The following NCOA2 variants were observed in gnomAD, a reference collection of about 807,000 sequenced individuals.
NCOA2 encodes class E basic helix-loop-helix protein 75.
A neutral mutation model predicts 145.1 loss-of-function variants in NCOA2; 21 were observed. That is an observed-to-expected ratio of 0.14 (90% CI 0.10 to 0.21). NCOA2 has a LOEUF of 0.21. NCOA2 is among the 10% of genes least tolerant of loss of function. The pLI is 1.00. For synonymous variants in NCOA2, 619 were observed against 637.5 expected (o/e 0.97, Z 0.44); for missense variants, 1,472 against 1,837.6 (o/e 0.80, Z 3.64).
chr8:70,454,598 T>C, the NCOA2 span, among the ~76,000 whole-genome samples: 11 of 152,176 alleles, frequency 7.2e-5, no homozygotes. Flanking sequence ...TTTAAACACC[T>C]TTTTTCATTT....
intron 16 of NCOA2, among the ~76,000 whole-genome samples, 158 bp downstream of exon 16, chr8:70,131,679 G>A (rs928646302): frequency 2.0e-5 from 3 of 152,168 alleles, no homozygotes; most frequent in Non-Finnish European, 2.9e-5. Flanking sequence ...GGGTTACAAG[G>A]AAAGGGGAGG....
chr8:70,239,200 C>G (rs760160680), intron 2 of NCOA2, among the ~76,000 whole-genome samples: 4 of 152,084 alleles, frequency 2.6e-5, no homozygotes, highest in Admixed American at 1.3e-4. Context: ...GATGGGAGAT[C>G]AAACCGGGTA....
chr8:70,376,596 T>A (rs767862800), intron 1 of NCOA2, among the ~76,000 whole-genome samples: 1 of 151,998 alleles, frequency 6.6e-6, no homozygotes, highest in Admixed American at 6.5e-5. Context: ...AGATTTAACA[T>A]CTTAGAATTC....
At chr8:70,153,555 T>C (rs931662649) in intron 11 of NCOA2, among the ~76,000 whole-genome samples, 2 of 152,122 alleles carry the variant, frequency 1.3e-5, no homozygotes, top group African/African-American at 4.8e-5. Flanking sequence ...ATAAATCGTT[T>C]ACACAGGGAA....
At chr8:70,285,639 C>T (rs377129602) in intron 2 of NCOA2, among the ~76,000 whole-genome samples, 2 of 152,192 alleles carry the variant, frequency 1.3e-5, no homozygotes, top group African/African-American at 4.8e-5. Context: ...ATCCCATTCA[C>T]GTAACTTAAT....
At chr8:70,432,949 T>C in the NCOA2 span, among the ~76,000 whole-genome samples, 2 of 152,178 alleles carry the variant, frequency 1.3e-5, no homozygotes, top group African/African-American at 4.8e-5. Flanking sequence ...TGTTTATATA[T>C]TGATTACAGG....
chr8:70,316,890 A>C (rs1263291335), intron 1 of NCOA2, among the ~76,000 whole-genome samples: 1 of 152,180 alleles, frequency 6.6e-6, no homozygotes, highest in Non-Finnish European at 1.5e-5. Flanking sequence ...CCCGAGACCC[A>C]TGGGGAATGC....
chr8:70,113,594 A>G lies in NCOA2; in HGVS notation c.*38T>C, dbSNP rs1312531458. On this transcript the variant is annotated 3_prime_UTR_variant, in exon 23 of 23. Transcript: ENST00000452400. ...AGACTGGAAGTGTTTTGAGCAAGTG[A>G]GCCCGGTCAGCTGAAGAAGCAACTG... 6.4e-7 allele frequency: 1 copy of G among 1,550,832 alleles called. No individual in the cohort carries two copies.
At chr8:70,420,123 A>T in the NCOA2 span, among the ~76,000 whole-genome samples, 1 of 152,300 alleles carries the variant, frequency 6.6e-6, no homozygotes, top group South Asian at 2.1e-4. Context: ...TAATGAATGG[A>T]TAGTAAATAA....
intron 4 of NCOA2, among the ~76,000 whole-genome samples, chr8:70,209,498 C>A (rs1818796735): frequency 6.6e-6 from 1 of 152,152 alleles, no homozygotes; most frequent in Non-Finnish European, 1.5e-5. Flanking sequence ...ACAGAGAAAT[C>A]TTTCATGAAA....
intron 1 of NCOA2, among the ~76,000 whole-genome samples, chr8:70,380,099 A>C (rs1287140578): frequency 1.3e-5 from 2 of 152,224 alleles, no homozygotes; most frequent in Non-Finnish European, 2.9e-5. Context: ...AACAAGTGTC[A>C]AGCAGGTTCT....
Position 70,300,107 on chromosome 8 carries a change from T to A in NCOA2, c.-76-3307A>T, listed in dbSNP as rs141777251. Among the ~76,000 whole-genome samples, 93 of 152,288 alleles carry A rather than the reference T, an allele frequency of 6.1e-4. No individual in the cohort carries two copies. The East Asian group carries it at 0.015, about 25-fold the overall frequency. On this transcript the variant is annotated intron_variant, in intron 1 of 22. Coordinates refer to ENST00000452400, the MANE Select transcript of NCOA2 (RefSeq NM_006540.4). Reference sequence around the variant, plus strand: ...AAAACTATAAAGACAGAAAACAGGCTGATGGTTTCCAGTGTCAGGATATGG... The same window carrying A: ...AAAACTATAAAGACAGAAAACAGGCAGATGGTTTCCAGTGTCAGGATATGG...
chr8:70,209,273 C>T (rs190009155), intron 4 of NCOA2, among the ~76,000 whole-genome samples: 44 of 152,332 alleles, frequency 2.9e-4, no homozygotes, highest in Admixed American at 2.5e-3. Context: ...CTTGAACAAA[C>T]GAGGAGTTGC....
chr8:70,277,053 C>T (rs926863892), intron 2 of NCOA2, among the ~76,000 whole-genome samples: 11 of 152,202 alleles, frequency 7.2e-5, no homozygotes, highest in African/African-American at 2.4e-4. Context: ...TAGATTTCTC[C>T]ACCTTGTGTT....
intron 6 of NCOA2, among the ~76,000 whole-genome samples, chr8:70,167,302 G>A (rs1234298864): frequency 6.6e-6 from 1 of 152,120 alleles, no homozygotes; most frequent in Non-Finnish European, 1.5e-5. Flanking sequence ...TCACTAACCA[G>A]CTCCATTGCA....
intron 2 of NCOA2, among the ~76,000 whole-genome samples, chr8:70,291,838 G>A (rs539401893): frequency 4.2e-4 from 64 of 152,178 alleles, no homozygotes; most frequent in African/African-American, 1.5e-3. Context: ...AGTGGCTCAC[G>A]CCTGTAATCC....
rs1034364462 is a variant in NCOA2, at chr8:70,110,030, C to A, written c.*3602G>T. ...ACTCCATTTTGAAAATAAATCACAA[C>A]CTGAAACACTGTAAGCTTTCTCCTG... On this transcript the variant is annotated 3_prime_UTR_variant, in exon 23 of 23. Coordinates refer to ENST00000452400, the MANE Select transcript of NCOA2 (RefSeq NM_006540.4). 1.4e-4 allele frequency: 27 copies of A among 194,758 alleles called. No homozygotes were observed. Among genetic ancestry groups the A allele is most frequent in the African/African-American group, 5.3e-4 (23 of 43,258 alleles). 12.1% of individuals were successfully genotyped at this position (194,758 alleles called of 1,614,324 possible). A position where few individuals can be genotyped will look rare whatever the true frequency, so the allele number is the denominator to read the frequency against.
At chr8:70,253,920 G>A (rs926767627) in intron 2 of NCOA2, among the ~76,000 whole-genome samples, 8 of 151,920 alleles carry the variant, frequency 5.3e-5, no homozygotes, top group Non-Finnish European at 1.0e-4. Context: ...AAAAATTTTC[G>A]GGCATCAAAA....
the NCOA2 span, among the ~76,000 whole-genome samples, chr8:70,451,053 A>C: frequency 6.7e-6 from 1 of 149,250 alleles, no homozygotes; most frequent in African/African-American, 2.4e-5. Context: ...CTGTCTCTAC[A>C]AAAAATACAA....
Sources: allele counts gnomAD v4.1 joint callset (sites outside exome capture counted in the v4.1 genomes callset), GRCh38; gene constraint gnomAD v4.1.1; transcripts MANE v1.5; gene names NCBI Gene and HGNC (gene_info 2026-07-23, HGNC 2026-07-21).